The following MAN2A1 variants were observed in gnomAD, a reference collection of about 807,000 sequenced individuals.
MAN2A1 encodes the protein alpha-mannosidase 2.
A neutral mutation model predicts 142.6 loss-of-function variants in MAN2A1; 76 were observed. The ratio of observed to expected loss-of-function variants is 0.53; its 90% CI spans 0.44 to 0.65. MAN2A1 has a LOEUF of 0.65. Ranked by LOEUF, MAN2A1 falls within the 30% of genes least tolerant of loss-of-function variation. The pLI, the probability that MAN2A1 is intolerant of heterozygous loss-of-function variation, is 0.00. For missense variants in MAN2A1, 1,311 were observed against 1,365.1 expected, an observed-to-expected ratio of 0.96 and a Z score of 0.62; for synonymous variants, 559 against 473.2, an observed-to-expected ratio of 1.18 and a Z score of -2.35.
rs571141011 is a variant in MAN2A1, at chr5:109,709,079, G to A, written c.136-4441G>A. The stretch of plus-strand genomic sequence containing the variant: ...CTACTGAAGCCCTGAAGAATAATCA[G>A]TGTTTGACCAGCTATCTGGATATTC... On this transcript the variant is annotated intron_variant, in intron 1 of 21. Transcript: ENST00000261483. 7.2e-5 allele frequency among the ~76,000 whole-genome samples: 11 copies of A among 152,322 alleles called. No individual in the cohort carries two copies. In the South Asian group the frequency reaches 2.3e-3, roughly 32 times the overall value.
intron 4 of MAN2A1, among the ~76,000 whole-genome samples, chr5:109,735,971 T>A (rs1442755366): frequency 6.8e-6 from 1 of 147,402 alleles, no homozygotes; most frequent in Non-Finnish European, 1.5e-5. Context: ...CTACCAGTAC[T>A]GGGATTAATT....
rs753646104 is a variant in MAN2A1, at chr5:109,820,185, G to A, written c.2329-35G>A. On this transcript the variant is annotated intron_variant, in intron 14 of 21. Coordinates refer to ENST00000261483, the MANE Select transcript of MAN2A1 (RefSeq NM_002372.4). The stretch of plus-strand genomic sequence containing the variant: ...ATGCAACATGCTTAACATCTTAGTG[G>A]TGAGTTGCTTATTATTATTTTTTTT... 4.5e-6 allele frequency: 7 copies of A among 1,553,128 alleles called. No individual in the cohort carries two copies. In the South Asian group the frequency reaches 8.0e-5, roughly 18 times the overall value.
chr5:109,721,139 A>G (rs1000418065), intron 3 of MAN2A1, among the ~76,000 whole-genome samples: 2 of 152,198 alleles, frequency 1.3e-5, no homozygotes, highest in Admixed American at 6.5e-5. Flanking sequence ...CAGCGAGGCT[A>G]AGTTAGGGTA....
chr5:109,754,054 A>T (rs1321406294), intron 4 of MAN2A1, among the ~76,000 whole-genome samples: 2 of 151,824 alleles, frequency 1.3e-5, no homozygotes, highest in Non-Finnish European at 2.9e-5. Context: ...GACTACAGGC[A>T]TGCACCACCA....
chr5:109,819,317 A>G (rs1418068035), intron 13 of MAN2A1, among the ~76,000 whole-genome samples: 1 of 152,158 alleles, frequency 6.6e-6, no homozygotes, highest in Non-Finnish European at 1.5e-5. Flanking sequence ...ATTGGACATA[A>G]CCCAATCATG....
At chr5:109,729,785 G>C (rs1243286389) in intron 4 of MAN2A1, among the ~76,000 whole-genome samples, 1 of 152,126 alleles carries the variant, frequency 6.6e-6, no homozygotes, top group African/African-American at 2.4e-5. Context: ...CTGAGGGCAG[G>C]AGTTCAAGAC....
intron 15 of MAN2A1, among the ~76,000 whole-genome samples, chr5:109,821,183 G>A (rs1754613645): frequency 6.6e-6 from 1 of 152,044 alleles, no homozygotes; most frequent in South Asian, 2.1e-4. Context: ...TTTATTTTAT[G>A]CATATCCTTT....
chr5:109,750,184 T>C (rs1752508456), intron 4 of MAN2A1, among the ~76,000 whole-genome samples: 1 of 152,074 alleles, frequency 6.6e-6, no homozygotes, highest in Non-Finnish European at 1.5e-5. Flanking sequence ...GGACTATTTC[T>C]TGTTTTTCTT....
chr5:109,803,727 G>A (rs866996591), intron 12 of MAN2A1, among the ~76,000 whole-genome samples: 1 of 152,050 alleles, frequency 6.6e-6, no homozygotes, highest in African/African-American at 2.4e-5. Flanking sequence ...AAAAGAAGAC[G>A]AGGTGGTGTC....
intron 1 of MAN2A1, among the ~76,000 whole-genome samples, chr5:109,708,905 T>C (rs1751216460): frequency 6.6e-6 from 1 of 152,174 alleles, no homozygotes; most frequent in Non-Finnish European, 1.5e-5. Flanking sequence ...GACTACCACA[T>C]TTAGGGCACA....
chr5:109,742,462 G>A (rs563541921), intron 4 of MAN2A1, among the ~76,000 whole-genome samples: 2 of 152,118 alleles, frequency 1.3e-5, no homozygotes, highest in Non-Finnish European at 2.9e-5. Flanking sequence ...TTTCCCCTAG[G>A]TTTATATTTA....
chr5:109,775,265 G>A (rs1279063813), intron 8 of MAN2A1, among the ~76,000 whole-genome samples: 1 of 151,980 alleles, frequency 6.6e-6, no homozygotes, highest in Admixed American at 6.6e-5. Context: ...TTTTTGTTGT[G>A]CTTGTTTTGT....
intron 19 of MAN2A1, among the ~76,000 whole-genome samples, chr5:109,852,558 C>CTT (rs1755511287): frequency 6.6e-6 from 1 of 152,096 alleles, no homozygotes; most frequent in Non-Finnish European, 1.5e-5. Context: ...AGGGCTGGAA[C>CTT]CCAGTGAGGA....
chr5:109,848,446 A>C (rs912310646), intron 19 of MAN2A1, among the ~76,000 whole-genome samples: 13 of 152,114 alleles, frequency 8.5e-5, no homozygotes, highest in Non-Finnish European at 1.9e-4. Flanking sequence ...TCCTTTCTGC[A>C]CCTGACCATT....
intron 5 of MAN2A1, among the ~76,000 whole-genome samples, chr5:109,763,592 A>G (rs1752911413): frequency 1.3e-5 from 2 of 151,892 alleles, no homozygotes; most frequent in African/African-American, 4.8e-5. Flanking sequence ...ATATGTATAC[A>G]TGTGCCATGC....
Position 109,789,440 on chromosome 5 carries a change from A to G in MAN2A1, c.1876-20A>G, listed in dbSNP as rs773392494. On this transcript the variant is annotated intron_variant, in intron 11 of 21. Transcript: ENST00000261483. ...ATGGAGTGTTAAGTAAAATTAAAAA[A>G]TTACTGTTCATTTTTATAGGATTTG... is the stretch of plus-strand genomic sequence containing the variant. 2.1e-6 allele frequency: 3 copies of G among 1,458,668 alleles called. No homozygotes were observed. The highest frequency in any genetic ancestry group is 2.3e-5 in the East Asian group (1 of 42,678). The allele number at this position is 1,458,668 out of a possible 1,614,324, so 90.4% of individuals were successfully genotyped here. A position where few individuals can be genotyped will look rare whatever the true frequency, so the allele number is the denominator to read the frequency against.
chr5:109,742,989 A>C (rs1451167254), intron 4 of MAN2A1, among the ~76,000 whole-genome samples: 1 of 152,230 alleles, frequency 6.6e-6, no homozygotes, highest in Non-Finnish European at 1.5e-5. Flanking sequence ...TGTAAAAGCC[A>C]TGAGGGACTT....
At chr5:109,778,411 C>T (rs566173936) in intron 8 of MAN2A1, among the ~76,000 whole-genome samples, 7 of 151,990 alleles carry the variant, frequency 4.6e-5, no homozygotes, top group African/African-American at 1.2e-4. Flanking sequence ...GTTGAGTAGG[C>T]GTGGTGAAAG....
At chr5:109,816,468 C>CA (rs1374729772) in intron 12 of MAN2A1, among the ~76,000 whole-genome samples, 1 of 151,704 alleles carries the variant, frequency 6.6e-6, no homozygotes, top group African/African-American at 2.4e-5. Context: ...TTACTATAAA[C>CA]ATTTGGGGCC....
Sources: gnomAD v4.1 joint callset for allele counts (sites outside exome capture counted in the v4.1 genomes callset) on GRCh38, gnomAD v4.1.1 for gene constraint, MANE v1.5 for transcripts, NCBI Gene and HGNC (gene_info 2026-07-23, HGNC 2026-07-21) for gene names.